ARHGEF3: variants seen among roughly 807,000 people sequenced by gnomAD.
The protein encoded by ARHGEF3 is Rho guanine nucleotide exchange factor 3.
ARHGEF3 carries 28 observed loss-of-function variants against 63.2 expected under a neutral mutation model. The observed-to-expected ratio is 0.44, with a 90% CI of 0.33 to 0.61. The LOEUF (loss-of-function observed/expected upper bound fraction) is 0.61. Ranked by LOEUF, ARHGEF3 falls within the 20% of genes least tolerant of loss-of-function variation. The probability of loss-of-function intolerance (pLI) is 0.03; values close to 1 mark genes in which losing one functional copy is unlikely to be tolerated. For missense variants in ARHGEF3, 533 were observed against 659.3 expected, an observed-to-expected ratio of 0.81 and a Z score of 2.10; for synonymous variants, 266 against 254.2, an observed-to-expected ratio of 1.05 and a Z score of -0.44.
intron 2 of ARHGEF3, among the ~76,000 whole-genome samples, chr3:56,979,352 T>C (rs1701239268): frequency 6.6e-6 from 1 of 152,200 alleles, no homozygotes; most frequent in African/African-American, 2.4e-5. Context: ...CCTGCAGTGG[T>C]TGGGACAGGT....
intron 3 of ARHGEF3, among the ~76,000 whole-genome samples, chr3:56,934,606 C>CG (rs1042156584): frequency 2.0e-5 from 3 of 152,228 alleles, no homozygotes; most frequent in African/African-American, 7.2e-5. Context: ...ACTTAGCACC[C>CG]GGGCCAGCGG....
intron 1 of ARHGEF3, among the ~76,000 whole-genome samples, chr3:56,793,154 C>T (rs2037172898): frequency 6.6e-6 from 1 of 150,886 alleles, no homozygotes; most frequent in Non-Finnish European, 1.5e-5. Flanking sequence ...CAGGCTCCCG[C>T]CACCAGGCCC....
chr3:56,969,134 T>C (rs528689160), intron 2 of ARHGEF3, among the ~76,000 whole-genome samples: 40 of 148,308 alleles, frequency 2.7e-4, no homozygotes, highest in African/African-American at 9.4e-4. Flanking sequence ...AGGTCACAAA[T>C]GTATAAAGAT....
intron 3 of ARHGEF3, among the ~76,000 whole-genome samples, chr3:56,890,310 G>C (rs970125473): frequency 3.3e-5 from 5 of 152,126 alleles, no homozygotes; most frequent in African/African-American, 2.4e-5. Context: ...CTAAGTGTAT[G>C]GGATACGTCA....
chr3:56,976,493 A>G (rs1191933631), intron 2 of ARHGEF3, among the ~76,000 whole-genome samples: 1 of 152,210 alleles, frequency 6.6e-6, no homozygotes, highest in South Asian at 2.1e-4. Flanking sequence ...ATTCAATACT[A>G]TATTGATCAG....
intron 1 of ARHGEF3, among the ~76,000 whole-genome samples, chr3:56,784,874 T>C (rs1454889701): frequency 6.6e-6 from 1 of 152,206 alleles, no homozygotes; most frequent in African/African-American, 2.4e-5. Flanking sequence ...TATAAGCTAG[T>C]TTCCTCTACT....
At chr3:57,024,110 G>A (rs111226608) in intron 2 of ARHGEF3, among the ~76,000 whole-genome samples, 1,676 of 152,196 alleles carry the variant, frequency 0.011, 33 homozygotes, top group African/African-American at 0.038. Flanking sequence ...ACAGGTACAT[G>A]CTTACACTTG....
intron 3 of ARHGEF3, among the ~76,000 whole-genome samples, chr3:56,937,597 G>T (rs1698965271): frequency 6.6e-6 from 1 of 152,146 alleles, no homozygotes; most frequent in Non-Finnish European, 1.5e-5. Context: ...ACACATGAAG[G>T]CAGACATCCC....
chr3:57,058,549 T>A (rs529954159), intron 1 of ARHGEF3, among the ~76,000 whole-genome samples: 4 of 152,216 alleles, frequency 2.6e-5, no homozygotes, highest in Non-Finnish European at 5.9e-5. Context: ...TTGGTGGGAC[T>A]GTAAACTAGT....
chr3:56,954,170 C>G (rs1699938162), intron 3 of ARHGEF3, among the ~76,000 whole-genome samples: 1 of 151,558 alleles, frequency 6.6e-6, no homozygotes, highest in African/African-American at 2.4e-5. Flanking sequence ...TAATTAAAAC[C>G]TCAGTTCTGG....
chr3:57,027,395 T>G (rs978873735), intron 2 of ARHGEF3, among the ~76,000 whole-genome samples: 11 of 152,186 alleles, frequency 7.2e-5, no homozygotes, highest in Non-Finnish European at 8.8e-5. Context: ...CTCAGTGGAC[T>G]GCCTGGGATG....
At position 56,955,775 on chromosome 3, in the gene ARHGEF3, A is replaced by G. The variant is rs373457846; in HGVS notation, c.129+3048T>C. On this transcript the variant is annotated intron_variant, in intron 3 of 12. Coordinates refer to the ARHGEF3 transcript ENST00000338458. ...ACATGTCTTCATCCTGACATTCTGC[A>G]TCCTTCTCGTTCTTCAATTTTAATT... Among the ~76,000 whole-genome samples the G allele has an allele frequency of 4.6e-5, 7 of 152,222 alleles. 1 individual carries two copies.
intron 2 of ARHGEF3, among the ~76,000 whole-genome samples, chr3:57,017,239 G>A (rs141802969): frequency 1.7e-4 from 26 of 152,208 alleles, no homozygotes; most frequent in African/African-American, 6.0e-4. Flanking sequence ...ATTCCATCAG[G>A]AGAGAGTCAG....
chr3:56,809,044 T>C (rs551819948), intron 4 of ARHGEF3, among the ~76,000 whole-genome samples: 7 of 152,324 alleles, frequency 4.6e-5, no homozygotes, highest in South Asian at 2.1e-4. Flanking sequence ...ACTTTGATCA[T>C]TGATTAGTAT....
intron 2 of ARHGEF3, among the ~76,000 whole-genome samples, chr3:56,996,884 A>ATTTTTTTTTTTTTTT (rs1197687007): frequency 9.4e-6 from 1 of 105,928 alleles, no homozygotes; most frequent in African/African-American, 3.2e-5. Context: ...TATTATTATT[A>ATTTTTTTTTTTTTTT]TTATTATTTT....
At position 57,014,082 on chromosome 3, in the gene ARHGEF3, G is replaced by A. The variant is rs116994080; in HGVS notation, c.62+21006C>T. ...TCACTCTTAAAGCCAGCGAGACCAC[G>A]AACCCGCCAGGAGGAACGAACAACT... On this transcript the variant is annotated intron_variant, in intron 2 of 12. Transcript: ENST00000338458. Among the ~76,000 whole-genome samples the A allele has an allele frequency of 1.8e-3, 269 of 152,218 alleles. 2 individuals carry two copies. Among genetic ancestry groups the A allele is most frequent in the East Asian group, 0.011 (57 of 5,174 alleles).
chr3:57,015,581 ACAC>A (rs1702958357), intron 2 of ARHGEF3, among the ~76,000 whole-genome samples: 1 of 148,934 alleles, frequency 6.7e-6, no homozygotes, highest in Non-Finnish European at 1.5e-5. Context: ...CTGCAGGCGG[ACAC>A]CACCACGCCC....
chr3:56,985,801 A>G (rs1218210203), intron 2 of ARHGEF3, among the ~76,000 whole-genome samples: 1 of 152,214 alleles, frequency 6.6e-6, no homozygotes, highest in Non-Finnish European at 1.5e-5. Flanking sequence ...CACAGACTCT[A>G]ACAAATGAGG....
At chr3:56,846,138 A>G (rs909873956) in intron 4 of ARHGEF3, among the ~76,000 whole-genome samples, 2 of 152,184 alleles carry the variant, frequency 1.3e-5, no homozygotes, top group Non-Finnish European at 2.9e-5. Flanking sequence ...TTAACATGTA[A>G]TCTCCTTAAC....
Sources: allele counts gnomAD v4.1 joint callset (sites outside exome capture counted in the v4.1 genomes callset), GRCh38; gene constraint gnomAD v4.1.1; transcripts MANE v1.5; gene names NCBI Gene and HGNC (gene_info 2026-07-23, HGNC 2026-07-21).